Variants in SLC1A1 observed in about 807,000 individuals in gnomAD.
The protein encoded by SLC1A1 is excitatory amino acid transporter 3.
Under a neutral mutation model 53.3 loss-of-function variants are expected in SLC1A1, and 43 were observed. The observed-to-expected ratio is 0.81, with a 90% CI of 0.63 to 1.04. The LOEUF is 1.04. Among genes scored for constraint, SLC1A1 ranks in the 50% least tolerant of loss-of-function variants. SLC1A1 has a pLI of 0.00. For missense variants in SLC1A1, 748 were observed against 664.9 expected (o/e 1.12, Z -1.37); for synonymous variants, 307 against 243.2 (o/e 1.26, Z -2.44).
chr9:4,578,258 TG>T (rs1820748850), intron 10 of SLC1A1, among the ~76,000 whole-genome samples: 1 of 152,240 alleles, frequency 6.6e-6, no homozygotes. Flanking sequence ...CATGATTAGC[TG>T]TGATCTTGGG....
At chr9:4,575,234 C>T (rs1820436918) in intron 8 of SLC1A1, among the ~76,000 whole-genome samples, 3 of 152,182 alleles carry the variant, frequency 2.0e-5, no homozygotes, top group Admixed American at 2.0e-4. Flanking sequence ...TTCAAACACA[C>T]ATAACTGATC....
intron 1 of SLC1A1, among the ~76,000 whole-genome samples, chr9:4,525,860 A>G (rs1336707184): frequency 6.6e-6 from 1 of 152,168 alleles, no homozygotes. Context: ...TGAAACTCAT[A>G]TTTTTTCAAA....
chr9:4,533,045 C>T lies in SLC1A1; in HGVS notation c.92-11522C>T, dbSNP rs139579080. On this transcript the variant is annotated intron_variant, in intron 1 of 11. Coordinates refer to ENST00000262352, the MANE Select transcript of SLC1A1 (RefSeq NM_004170.6). ...TTTTGTCACCACTAGGCCTGCCTTA[C>T]AAGAGCTCCTGAAAGAAGCACTAAA... Among the ~76,000 whole-genome samples, 480 of 152,260 alleles carry T rather than the reference C, an allele frequency of 3.2e-3. 3 individuals are homozygous for T. The highest frequency in any genetic ancestry group is 0.011 in the African/African-American group (464 of 41,560).
chr9:4,496,585 G>C (rs373843792), intron 1 of SLC1A1, among the ~76,000 whole-genome samples: 2 of 151,968 alleles, frequency 1.3e-5, no homozygotes, highest in African/African-American at 4.8e-5. Flanking sequence ...TGAACCTGAA[G>C]AGAAGTGATC....
intron 1 of SLC1A1, among the ~76,000 whole-genome samples, chr9:4,496,928 A>G (rs1820446400): frequency 6.6e-6 from 1 of 152,044 alleles, no homozygotes; most frequent in Admixed American, 6.6e-5. Flanking sequence ...TGCAGAAGAG[A>G]GAGAAAATAA....
intron 1 of SLC1A1, among the ~76,000 whole-genome samples, chr9:4,505,711 C>G (rs989358924): frequency 6.6e-6 from 1 of 152,150 alleles, no homozygotes; most frequent in Non-Finnish European, 1.5e-5. Context: ...GGCTGGAGGG[C>G]AGTGGCATGA....
chr9:4,573,201 T>A (rs1820221828), intron 7 of SLC1A1, among the ~76,000 whole-genome samples: 1 of 152,182 alleles, frequency 6.6e-6, no homozygotes, highest in South Asian at 2.1e-4. Flanking sequence ...CCACCTTTCT[T>A]AGGATGCATC....
intron 2 of SLC1A1, among the ~76,000 whole-genome samples, chr9:4,547,353 C>T (rs1817576981): frequency 6.6e-6 from 1 of 152,192 alleles, no homozygotes; most frequent in Non-Finnish European, 1.5e-5. Context: ...CTCCACCAAA[C>T]CCCCAGCAGC....
At chr9:4,501,068 G>C (rs551193535) in intron 1 of SLC1A1, among the ~76,000 whole-genome samples, 2 of 152,146 alleles carry the variant, frequency 1.3e-5, no homozygotes, top group Non-Finnish European at 2.9e-5. Context: ...CACCACTCCC[G>C]AGCCCTTTCT....
chr9:4,495,329 C>G (rs998510530), intron 1 of SLC1A1, among the ~76,000 whole-genome samples: 2 of 152,170 alleles, frequency 1.3e-5, no homozygotes, highest in Non-Finnish European at 2.9e-5. Flanking sequence ...GTATCAGACC[C>G]CCACTGTGCA....
intron 1 of SLC1A1, among the ~76,000 whole-genome samples, chr9:4,512,596 G>A (rs1179243879): frequency 1.3e-5 from 2 of 151,956 alleles, no homozygotes; most frequent in Admixed American, 1.3e-4. Context: ...GAAAGTTGGA[G>A]GAATCATCCT....
intron 1 of SLC1A1, among the ~76,000 whole-genome samples, chr9:4,530,075 A>G (rs1233844607): frequency 1.3e-5 from 2 of 152,208 alleles, no homozygotes; most frequent in Non-Finnish European, 2.9e-5. Context: ...AATAATGGAA[A>G]GTGAATGACT....
At chr9:4,530,893 G>A (rs1816442801) in intron 1 of SLC1A1, among the ~76,000 whole-genome samples, 1 of 152,166 alleles carries the variant, frequency 6.6e-6, no homozygotes, top group Non-Finnish European at 1.5e-5. Flanking sequence ...AAAAATGTAT[G>A]CTAATATGAA....
chr9:4,508,547 G>C (rs914444821), intron 1 of SLC1A1, among the ~76,000 whole-genome samples: 1 of 152,200 alleles, frequency 6.6e-6, no homozygotes, highest in South Asian at 2.1e-4. Flanking sequence ...CACTTGAATT[G>C]TCATGTGTAC....
At chr9:4,567,590 T>C (rs546200711) in intron 5 of SLC1A1, 79 bp from the exon 6 acceptor site, 30 of 880,080 alleles carry the variant, frequency 3.4e-5, no homozygotes, top group Admixed American at 4.0e-5. Context: ...CAAAATAACA[T>C]GTTCCTGTGA....
intron 7 of SLC1A1, 111 bp downstream of exon 7, chr9:4,572,499 C>T: frequency 1.0e-6 from 1 of 966,278 alleles, no homozygotes; most frequent in East Asian, 2.4e-5. Context: ...AGAAGTTGGA[C>T]ATTTAATATT....
At chr9:4,578,658 G>A (rs952242795) in intron 10 of SLC1A1, among the ~76,000 whole-genome samples, 5 of 152,254 alleles carry the variant, frequency 3.3e-5, no homozygotes, top group South Asian at 2.1e-4. Context: ...CTAGTGAAAT[G>A]AGGATAGACA....
At chr9:4,540,946 A>C (rs1371926487) in intron 1 of SLC1A1, among the ~76,000 whole-genome samples, 2 of 152,296 alleles carry the variant, frequency 1.3e-5, no homozygotes, top group East Asian at 3.9e-4. Flanking sequence ...CAGGTTCCAC[A>C]CCTCACAATT....
rs761339722 is a variant in SLC1A1 at position 4,576,682 on chromosome 9, C to T, written c.1112C>T (p.Ala371Val). The stretch of plus-strand genomic sequence containing the variant: ...GCAACAATCAACATGGATGGGACTG[C>T]GCTCTATGAAGCAGTGGCAGCGGTG... ...VGATINMDGT[A>V]LYEAVAAVFI... Residue 371 changes from alanine to valine, a missense_variant, in exon 10 of 12, where the codon GCG becomes GTG. Physicochemically the swap from Ala to Val is moderately conservative, Grantham distance 64. Transcript: ENST00000262352. The T allele has an allele frequency of 9.9e-6, 16 of 1,614,012 alleles. 1 individual carries two copies. In the Admixed American group the frequency reaches 1.0e-4, roughly 10 times the overall value.
Sources: gnomAD v4.1 joint callset for allele counts (sites outside exome capture counted in the v4.1 genomes callset) on GRCh38, gnomAD v4.1.1 for gene constraint, MANE v1.5 for transcripts, NCBI Gene and HGNC (gene_info 2026-07-23, HGNC 2026-07-21) for gene names.